PDSS2: variants seen among roughly 807,000 people sequenced by gnomAD.
The protein encoded by PDSS2 is decaprenyl diphosphate synthase subunit 2, also known as all trans-polyprenyl-diphosphate synthase PDSS2.
A neutral mutation model predicts 44.5 loss-of-function variants in PDSS2; 31 were observed. That is an observed-to-expected ratio of 0.70 (90% CI 0.52 to 0.94). The LOEUF (loss-of-function observed/expected upper bound fraction) is 0.94. PDSS2 is among the 40% of genes least tolerant of loss of function. PDSS2 has a pLI of 0.00. For missense variants in PDSS2, 452 were observed against 482.2 expected, an observed-to-expected ratio of 0.94 and a Z score of 0.59; for synonymous variants, 157 against 180.3, an observed-to-expected ratio of 0.87 and a Z score of 1.03.
At chr6:107,426,211 T>G (rs1780998314) in intron 1 of PDSS2, among the ~76,000 whole-genome samples, 1 of 152,184 alleles carries the variant, frequency 6.6e-6, no homozygotes, top group African/African-American at 2.4e-5. Context: ...GCATCCCAGC[T>G]GCTCCAGCCA....
intron 1 of PDSS2, among the ~76,000 whole-genome samples, chr6:107,407,663 GT>G (rs1780362395): frequency 6.6e-6 from 1 of 152,150 alleles, no homozygotes; most frequent in African/African-American, 2.4e-5. Flanking sequence ...AGTCCTGGAG[GT>G]AACACAAATC....
intron 1 of PDSS2, among the ~76,000 whole-genome samples, chr6:107,360,456 G>C (rs946355193): frequency 2.0e-5 from 3 of 152,224 alleles, no homozygotes; most frequent in African/African-American, 7.2e-5. Flanking sequence ...GACCAAATGT[G>C]AGTTGGCTTG....
intron 1 of PDSS2, among the ~76,000 whole-genome samples, chr6:107,415,152 T>A (rs181526105): frequency 0.043 from 6,158 of 142,978 alleles, 363 homozygotes; most frequent in African/African-American, 0.14. Flanking sequence ...TTAAAAAAAA[T>A]TTTTTTTTTT....
intron 1 of PDSS2, among the ~76,000 whole-genome samples, chr6:107,337,886 C>T (rs971226059): frequency 2.6e-5 from 4 of 152,018 alleles, no homozygotes; most frequent in Non-Finnish European, 5.9e-5. Flanking sequence ...GAATGCATTA[C>T]TGAAAAGGTC....
At chr6:107,443,644 C>T (rs1174151296) in intron 1 of PDSS2, among the ~76,000 whole-genome samples, 1 of 152,174 alleles carries the variant, frequency 6.6e-6, no homozygotes, top group Non-Finnish European at 1.5e-5. Flanking sequence ...TCTTTTGCCT[C>T]ATCCCATCCC....
At chr6:107,176,626 C>A (rs9486548) in intron 7 of PDSS2, among the ~76,000 whole-genome samples, 18 of 151,768 alleles carry the variant, frequency 1.2e-4, no homozygotes, top group African/African-American at 3.6e-4. Flanking sequence ...AACCTCTCTG[C>A]TAAGTACGTT....
At chr6:107,233,024 C>T (rs996110995) in intron 4 of PDSS2, among the ~76,000 whole-genome samples, 4 of 151,974 alleles carry the variant, frequency 2.6e-5, no homozygotes, top group African/African-American at 4.8e-5. Context: ...AACATGTTGC[C>T]CAGACTGGTC....
chr6:107,279,291 G>C (rs997052763), intron 2 of PDSS2, among the ~76,000 whole-genome samples: 2 of 152,136 alleles, frequency 1.3e-5, no homozygotes, highest in Admixed American at 1.3e-4. Context: ...GGGGGAATAA[G>C]CCAAAGTTAT....
chr6:107,283,040 T>A (rs1354835386), intron 2 of PDSS2, among the ~76,000 whole-genome samples: 1 of 151,428 alleles, frequency 6.6e-6, no homozygotes, highest in Non-Finnish European at 1.5e-5. Flanking sequence ...ACAGTTTGGC[T>A]GGGTGTGGTG....
At chr6:107,286,319 C>A (rs1161685164) in intron 2 of PDSS2, among the ~76,000 whole-genome samples, 1 of 151,114 alleles carries the variant, frequency 6.6e-6, no homozygotes, top group Non-Finnish European at 1.5e-5. Context: ...ACCAGCCTGG[C>A]CAACATGGTG....
At chr6:107,208,285 CTTTTTTTTTTTTT>C (rs1164014672) in intron 6 of PDSS2, among the ~76,000 whole-genome samples, 6 of 53,280 alleles carry the variant, frequency 1.1e-4, no homozygotes, top group African/African-American at 1.8e-4. Flanking sequence ...CATGCCTGGC[CTTTTTTTTTTTTT>C]TTTTTTTTTT....
chr6:107,206,221 G>A (rs553553828), intron 6 of PDSS2, among the ~76,000 whole-genome samples: 20 of 152,110 alleles, frequency 1.3e-4, no homozygotes, highest in African/African-American at 4.6e-4. Context: ...ACAGGCATGC[G>A]CCACCACGCC....
intron 2 of PDSS2, among the ~76,000 whole-genome samples, chr6:107,301,746 G>A (rs1045990318): frequency 1.3e-5 from 2 of 151,840 alleles, no homozygotes; most frequent in Non-Finnish European, 2.9e-5. Context: ...GGCAGATCAC[G>A]AGGTCAAGAG....
chr6:107,371,125 A>G (rs1312952433), intron 1 of PDSS2, among the ~76,000 whole-genome samples: 1 of 152,032 alleles, frequency 6.6e-6, no homozygotes, highest in Admixed American at 6.6e-5. Context: ...GGTTGGAGTG[A>G]GCCAAGATCA....
At chr6:107,345,716 A>G (rs1479563780) in intron 1 of PDSS2, among the ~76,000 whole-genome samples, 2 of 152,200 alleles carry the variant, frequency 1.3e-5, no homozygotes, top group Non-Finnish European at 2.9e-5. Flanking sequence ...ATGTTTAAAA[A>G]TGAATGGAAA....
intron 3 of PDSS2, 51 bp downstream of exon 3, chr6:107,273,978 T>G: frequency 6.9e-7 from 1 of 1,458,008 alleles, no homozygotes; most frequent in Middle Eastern, 1.7e-4. Context: ...AGCAGCCAAC[T>G]AATTGCTACC....
At chr6:107,194,659 G>A (rs907877091) in intron 6 of PDSS2, among the ~76,000 whole-genome samples, 1 of 152,128 alleles carries the variant, frequency 6.6e-6, no homozygotes, top group African/African-American at 2.4e-5. Context: ...TCTTAGTAAT[G>A]CCGTAAATTC....
rs531195047 is a variant in PDSS2 at position 107,228,710 on chromosome 6, A to G, written c.703-16428T>C. ...ACTCTATCTCAAAATAAATAAATAA[A>G]TAAATAAATAAACAAACAAACAAAC... is the stretch of plus-strand genomic sequence containing the variant. On this transcript the variant is annotated intron_variant, in intron 4 of 7. Coordinates refer to ENST00000369037, the MANE Select transcript of PDSS2 (RefSeq NM_020381.4). 7.8e-5 allele frequency among the ~76,000 whole-genome samples: 10 copies of G among 128,992 alleles called. 1 individual carries two copies. The East Asian group carries it at 2.2e-3, about 29-fold the overall frequency. 84.6% of individuals were successfully genotyped at this position (128,992 alleles called of 152,430 possible).
intron 1 of PDSS2, among the ~76,000 whole-genome samples, chr6:107,418,012 TA>T (rs1230477224): frequency 7.2e-5 from 11 of 152,082 alleles, no homozygotes; most frequent in African/African-American, 1.9e-4. Flanking sequence ...TATATTTAAA[TA>T]AAAATATGCA....
Sources: allele counts gnomAD v4.1 joint callset (sites outside exome capture counted in the v4.1 genomes callset), GRCh38; gene constraint gnomAD v4.1.1; transcripts MANE v1.5; gene names NCBI Gene and HGNC (gene_info 2026-07-23, HGNC 2026-07-21).